TPM4: variants seen among roughly 807,000 people sequenced by gnomAD.
TPM4 encodes tropomyosin 4.
A neutral mutation model predicts 35.8 loss-of-function variants in TPM4; 17 were observed. The ratio of observed to expected loss-of-function variants is 0.47; its 90% CI spans 0.32 to 0.71. The LOEUF (loss-of-function observed/expected upper bound fraction) is 0.71. TPM4 is among the 30% of genes least tolerant of loss of function. TPM4 has a pLI of 0.03. For synonymous variants in TPM4, 120 were observed against 122.9 expected (o/e 0.98, Z 0.15); for missense variants, 240 against 320.9 (o/e 0.75, Z 1.93).
chr19:16,067,685 C>A lies in TPM4; in HGVS notation c.61C>A (p.Arg21Ser), dbSNP rs763500256. ...GTTGGACAAGGAGAATGCCATCGAC[C>A]GCGCGGAGCAGGCGGAGGCGGATAA... Residue 21 changes from arginine (R) to serine (S), a missense_variant, in exon 2 of 3, where the codon CGC becomes AGC. Coordinates refer to the TPM4 transcript ENST00000589897. This position sits in a 1 kb window ranked among gnomAD's most constrained non-coding sequence, Gnocchi z 4.1. The A allele has an allele frequency of 6.2e-7, 1 of 1,613,596 alleles. No homozygotes were observed. The highest frequency in any genetic ancestry group is 2.2e-5 in the East Asian group (1 of 44,840).
rs562934017 is a variant in TPM4, at chr19:16,086,068, C to CAA, written c.267-339_267-338dup. ...TGGGTGACAGAGCGAGACTCCATCT[C>CAA]AAAAAAAAAAAAAAAAACCAAGATG... On this transcript the variant is annotated intron_variant, in intron 2 of 7. Coordinates refer to ENST00000643579, the MANE Select transcript of TPM4 (RefSeq NM_003290.3). Among the ~76,000 whole-genome samples, 645 of 78,964 alleles carry CAA rather than the reference C, an allele frequency of 8.2e-3. 8 individuals are homozygous for CAA. The highest frequency in any genetic ancestry group is 0.011 in the Non-Finnish European group (463 of 40,376). The allele number at this position is 78,964 out of a possible 152,430, so 51.8% of individuals were successfully genotyped here. A position where few individuals can be genotyped will look rare whatever the true frequency, so the allele number is the denominator to read the frequency against.
intron 2 of TPM4, among the ~76,000 whole-genome samples, chr19:16,085,542 G>C (rs552240842): frequency 2.6e-5 from 4 of 152,166 alleles, no homozygotes; most frequent in African/African-American, 7.2e-5. Context: ...CTCCAACCTG[G>C]GCAACAGAGT....
At chr19:16,086,128 TGTGTTACAGTGCTCAGTAGATTCAGAGA>T in intron 2 of TPM4, among the ~76,000 whole-genome samples, 1 of 145,996 alleles carries the variant, frequency 6.8e-6, no homozygotes, top group African/African-American at 2.6e-5. Context: ...ATCTTTGCAG[TGTGTTACAGTGCTCAGTAGATTCAGAGA>T]CTCATTTAGA....
chr19:16,078,066 C>T, intron 1 of TPM4: 1 of 398,418 alleles, frequency 2.5e-6, no homozygotes, highest in Non-Finnish European at 4.4e-6. Context: ...AGCCACGGCG[C>T]CCAGCCTCAA....
intron 2 of TPM4, 103 bp from the exon 3 acceptor site, chr19:16,086,320 A>G (rs2090551558): frequency 1.9e-6 from 2 of 1,070,902 alleles, no homozygotes; most frequent in Non-Finnish European, 2.8e-6. Context: ...ACTGCACTCC[A>G]GCCTGGATGA....
chr19:16,091,610 A>C (rs1047195462), intron 5 of TPM4, among the ~76,000 whole-genome samples: 2 of 152,028 alleles, frequency 1.3e-5, no homozygotes, highest in Non-Finnish European at 2.9e-5. Context: ...TCCCGTCTCT[A>C]CCAAAAATAC....
At chr19:16,098,877 C>G (rs2090732529) in intron 7 of TPM4, among the ~76,000 whole-genome samples, 1 of 152,084 alleles carries the variant, frequency 6.6e-6, no homozygotes, top group Admixed American at 6.5e-5. Context: ...TTTAACCATG[C>G]CAACGTGAAC....
At position 16,101,802 on chromosome 19, in the gene TPM4, G is replaced by A. The variant is rs1335773389; in HGVS notation, c.*456G>A. 3.5e-5 allele frequency: 8 copies of A among 228,036 alleles called. No individual in the cohort carries two copies. The Admixed American group carries it at 4.5e-4, about 13-fold the overall frequency. The allele number at this position is 228,036 out of a possible 1,614,324, so 14.1% of individuals were successfully genotyped here. On this transcript the variant is annotated 3_prime_UTR_variant, in exon 8 of 8. Coordinates refer to ENST00000643579, the MANE Select transcript of TPM4 (RefSeq NM_003290.3). ...GAGACCAGGGACCATCACATGGGTA[G>A]GGATTTTCCATCCAGAGCCAATAAA...
At chr19:16,076,739 C>G in intron 1 of TPM4, 42 bp downstream of exon 1, 1 of 1,285,202 alleles carries the variant, frequency 7.8e-7, no homozygotes, top group African/African-American at 1.6e-5. Flanking sequence ...CAGCCTCCTC[C>G]CCCGCGCGCC....
intron 7 of TPM4, chr19:16,095,297 C>T: frequency 9.7e-7 from 1 of 1,034,232 alleles, no homozygotes. Context: ...AAGTACAAAG[C>T]TATCAGCGAG....
intron 1 of TPM4, chr19:16,077,850 C>T: frequency 3.7e-6 from 1 of 270,790 alleles, no homozygotes; most frequent in Non-Finnish European, 6.9e-6. Flanking sequence ...CAACCTCCAC[C>T]CCCCGAGTTC....
At chr19:16,098,821 A>G (rs528117535) in intron 7 of TPM4, among the ~76,000 whole-genome samples, 8 of 152,098 alleles carry the variant, frequency 5.3e-5, no homozygotes, top group Admixed American at 5.2e-4. Context: ...TTTTTTAATA[A>G]AATAATAAAT....
chr19:16,092,935 G>T (rs1390546359), intron 5 of TPM4: 1 of 157,490 alleles, frequency 6.3e-6, no homozygotes, highest in Non-Finnish European at 1.4e-5. Flanking sequence ...GCTCTCTGCA[G>T]CCTTGAATTC....
intron 2 of TPM4, 32 bp downstream of exon 2, chr19:16,082,078 G>A (rs2090490850): frequency 6.3e-7 from 1 of 1,580,740 alleles, no homozygotes; most frequent in Non-Finnish European, 8.7e-7. Context: ...TGGCATCCGT[G>A]TTTGCTTTTA....
At chr19:16,083,673 C>T (rs1487488965) in intron 2 of TPM4, among the ~76,000 whole-genome samples, 3 of 144,594 alleles carry the variant, frequency 2.1e-5, no homozygotes, top group South Asian at 2.1e-4. Context: ...GTGATCATCG[C>T]GTCTGCCCCT....
intron 1 of TPM4, chr19:16,080,080 CT>C: frequency 5.2e-6 from 1 of 191,774 alleles, no homozygotes. Context: ...CGTGGCTTCC[CT>C]TTTCCTCTCG....
chr19:16,076,978 C>T (rs1443776279), intron 1 of TPM4: 2 of 468,144 alleles, frequency 4.3e-6, no homozygotes, highest in Non-Finnish European at 6.3e-6. Flanking sequence ...AGGGGGTGAG[C>T]GATCTCCGGG....
At chr19:16,081,679 C>A in intron 1 of TPM4, 1 of 346,622 alleles carries the variant, frequency 2.9e-6, no homozygotes, top group Non-Finnish European at 5.1e-6. Flanking sequence ...CAGGCATGAG[C>A]CACCACGCTT....
intron 1 of TPM4, among the ~76,000 whole-genome samples, chr19:16,078,499 T>C (rs1776794467): frequency 6.6e-6 from 1 of 152,226 alleles, no homozygotes; most frequent in African/African-American, 2.4e-5. Context: ...CTGTAAGGGC[T>C]GCTTTGGCCC....
Sources: gnomAD v4.1 joint callset for allele counts (sites outside exome capture counted in the v4.1 genomes callset) on GRCh38, gnomAD v4.1.1 for gene constraint, Gnocchi (gnomAD v3.1) non-coding constraint, MANE v1.5 for transcripts, NCBI Gene and HGNC (gene_info 2026-07-23, HGNC 2026-07-21) for gene names.